Variants in EXOC6 observed in about 807,000 individuals in gnomAD.
The protein encoded by EXOC6 is exocyst complex component 6.
A neutral mutation model predicts 112.5 loss-of-function variants in EXOC6; 60 were observed. The observed-to-expected ratio is 0.53, with a 90% CI of 0.43 to 0.66. EXOC6 has a LOEUF of 0.66. Among genes scored for constraint, EXOC6 ranks in the 30% least tolerant of loss-of-function variants. The pLI is 0.00. For missense variants in EXOC6, 855 were observed against 957.1 expected (o/e 0.89, Z 1.41); for synonymous variants, 295 against 308.0 (o/e 0.96, Z 0.44).
intron 18 of EXOC6, among the ~76,000 whole-genome samples, chr10:92,988,266 C>T (rs1041376697): frequency 3.3e-5 from 5 of 152,016 alleles, no homozygotes; most frequent in Non-Finnish European, 5.9e-5. Context: ...GCTTTTTTTC[C>T]GTATTTGTCT....
At chr10:92,855,279 C>T (rs1275223043) in intron 1 of EXOC6, among the ~76,000 whole-genome samples, 4 of 151,862 alleles carry the variant, frequency 2.6e-5, no homozygotes, top group Admixed American at 6.6e-5. Flanking sequence ...CCAGGCTGGT[C>T]TTGAACTCTG....
At chr10:92,985,977 G>GTATATA (rs150716122) in intron 18 of EXOC6, among the ~76,000 whole-genome samples, 1 of 149,806 alleles carries the variant, frequency 6.7e-6, no homozygotes, top group African/African-American at 2.4e-5. Context: ...ACCATATATT[G>GTATATA]TATATATATA....
At chr10:92,841,940 C>CAGTG (rs1846867126) in intron 1 of EXOC6, among the ~76,000 whole-genome samples, 1 of 151,952 alleles carries the variant, frequency 6.6e-6, no homozygotes, top group Non-Finnish European at 1.5e-5. Context: ...ATGTGACAGG[C>CAGTG]AGTGGTCTGG....
intron 20 of EXOC6, among the ~76,000 whole-genome samples, chr10:93,053,169 C>T (rs1464548760): frequency 6.6e-6 from 1 of 152,080 alleles, no homozygotes; most frequent in African/African-American, 2.4e-5. Flanking sequence ...CCCCAGTTTC[C>T]CCTTTTCTAC....
chr10:92,960,093 A>G (rs1853902837), intron 17 of EXOC6, among the ~76,000 whole-genome samples: 1 of 152,242 alleles, frequency 6.6e-6, no homozygotes. Context: ...ATAATTGCCC[A>G]AACTTGGAAG....
upstream of EXOC6, among the ~76,000 whole-genome samples, chr10:92,847,446 G>C (rs1847091087): frequency 6.6e-6 from 1 of 152,178 alleles, no homozygotes; most frequent in Non-Finnish European, 1.5e-5. Context: ...CTGGAGGTAG[G>C]TTTCAAGTAA....
At chr10:92,933,612 TATTTC>T (rs1420704219) in intron 9 of EXOC6, among the ~76,000 whole-genome samples, 3 of 152,330 alleles carry the variant, frequency 2.0e-5, no homozygotes, top group African/African-American at 7.2e-5. Flanking sequence ...AAATATGAAA[TATTTC>T]ATGTAATAAA....
At chr10:92,908,741 A>G (rs546008047) in intron 5 of EXOC6, among the ~76,000 whole-genome samples, 1 of 152,228 alleles carries the variant, frequency 6.6e-6, no homozygotes, top group Non-Finnish European at 1.5e-5. Context: ...ATATGAAAAT[A>G]TATGTCAATT....
intron 17 of EXOC6, among the ~76,000 whole-genome samples, chr10:92,957,132 G>C (rs74516032): frequency 0.011 from 1,622 of 152,214 alleles, 33 homozygotes; most frequent in African/African-American, 0.037. Flanking sequence ...CAAATTGATT[G>C]TTAGCTTTTA....
intron 18 of EXOC6, among the ~76,000 whole-genome samples, chr10:92,985,790 A>G (rs1414121363): frequency 3.9e-5 from 6 of 152,104 alleles, no homozygotes; most frequent in East Asian, 1.9e-4. Context: ...GGCCTTTTAC[A>G]TGATTGAAAA....
At chr10:92,945,422 T>C (rs1852936929) in intron 13 of EXOC6, among the ~76,000 whole-genome samples, 1 of 152,174 alleles carries the variant, frequency 6.6e-6, no homozygotes, top group Non-Finnish European at 1.5e-5. Context: ...GCTTTTGGGG[T>C]TATATTTTTA....
At chr10:92,954,360 TA>T (rs1273603465) in intron 15 of EXOC6, among the ~76,000 whole-genome samples, 2 of 152,202 alleles carry the variant, frequency 1.3e-5, no homozygotes, top group Non-Finnish European at 2.9e-5. Flanking sequence ...TTTGTTTCCT[TA>T]TACCAAGTCC....
At chr10:92,995,267 G>A (rs992585293) in intron 18 of EXOC6, among the ~76,000 whole-genome samples, 1 of 151,992 alleles carries the variant, frequency 6.6e-6, no homozygotes, top group Non-Finnish European at 1.5e-5. Context: ...TTCTGGAATA[G>A]CCTGTGTCTA....
intron 14 of EXOC6, among the ~76,000 whole-genome samples, chr10:92,949,489 T>C (rs1316199653): frequency 6.6e-6 from 1 of 151,842 alleles, no homozygotes; most frequent in African/African-American, 2.4e-5. Context: ...ATCTCATGGC[T>C]TAGTTTTTTT....
At chr10:93,009,375 T>C (rs1844138631) in intron 19 of EXOC6, among the ~76,000 whole-genome samples, 1 of 152,176 alleles carries the variant, frequency 6.6e-6, no homozygotes, top group African/African-American at 2.4e-5. Flanking sequence ...TTATTTATGG[T>C]TCTGTTTTTC....
chr10:92,961,687 G>C (rs1172147206), intron 17 of EXOC6, among the ~76,000 whole-genome samples: 1 of 129,974 alleles, frequency 7.7e-6, no homozygotes, highest in Non-Finnish European at 1.6e-5. Flanking sequence ...ATAGATAAGA[G>C]TGCTCCGCTT....
At chr10:92,919,660 A>G (rs574817432) in intron 7 of EXOC6, among the ~76,000 whole-genome samples, 3 of 152,276 alleles carry the variant, frequency 2.0e-5, no homozygotes, top group East Asian at 3.9e-4. Flanking sequence ...ACCCAAAACA[A>G]TAATAAGGTA....
chr10:92,922,949 T>G (rs980525931), intron 8 of EXOC6, among the ~76,000 whole-genome samples: 3 of 152,210 alleles, frequency 2.0e-5, no homozygotes, highest in African/African-American at 4.8e-5. Flanking sequence ...GTCCAGGCTT[T>G]CTTTCTAAAA....
chr10:92,996,739 T>G (rs987030538), intron 18 of EXOC6, among the ~76,000 whole-genome samples: 1 of 151,996 alleles, frequency 6.6e-6, no homozygotes, highest in African/African-American at 2.4e-5. Context: ...TCATGTAGAG[T>G]TTTAGGAGAT....
Sources: allele counts gnomAD v4.1 joint callset (sites outside exome capture counted in the v4.1 genomes callset), GRCh38; gene constraint gnomAD v4.1.1; transcripts MANE v1.5; gene names NCBI Gene and HGNC (gene_info 2026-07-23, HGNC 2026-07-21).